The following TMEM178B variants were observed in gnomAD, a reference collection of about 807,000 sequenced individuals.
The protein encoded by TMEM178B is transmembrane protein 178B.
In TMEM178B, 5 loss-of-function variants were observed where a neutral mutation model predicts 31.0. That is an observed-to-expected ratio of 0.16 (90% CI 0.08 to 0.34). TMEM178B has a LOEUF of 0.34. TMEM178B is among the 10% of genes least tolerant of loss of function. The pLI, the probability that TMEM178B is intolerant of heterozygous loss-of-function variation, is 1.00. For missense variants in TMEM178B, 275 were observed against 400.3 expected (o/e 0.69, Z 2.67); for synonymous variants, 164 against 164.0 (o/e 1.00, Z 0.00).
At chr7:141,284,587 C>G (rs1798414611) in intron 2 of TMEM178B, among the ~76,000 whole-genome samples, 1 of 152,154 alleles carries the variant, frequency 6.6e-6, no homozygotes, top group African/African-American at 2.4e-5. Context: ...TTCTCTAGAC[C>G]TTGCTGATTC....
intron 1 of TMEM178B, among the ~76,000 whole-genome samples, chr7:141,168,094 G>A (rs1196202670): frequency 2.6e-5 from 4 of 152,180 alleles, no homozygotes; most frequent in African/African-American, 9.6e-5. Flanking sequence ...ATCCCTGCGA[G>A]ATGGCCAGGG....
At chr7:141,111,070 G>A (rs1795227519) in intron 1 of TMEM178B, among the ~76,000 whole-genome samples, 1 of 152,084 alleles carries the variant, frequency 6.6e-6, no homozygotes, top group South Asian at 2.1e-4. Context: ...TGTATTAGTC[G>A]GTTCTCATGC....
At chr7:141,419,920 A>G (rs2116649943) in intron 2 of TMEM178B, among the ~76,000 whole-genome samples, 1 of 152,326 alleles carries the variant, frequency 6.6e-6, no homozygotes, top group Non-Finnish European at 1.5e-5. Context: ...ACACAGGAGT[A>G]TATAGAACAT....
rs912960032 is a variant in TMEM178B at position 141,239,581 on chromosome 7, G to A, written c.496+26877G>A. 2.0e-5 allele frequency among the ~76,000 whole-genome samples: 3 copies of A among 152,166 alleles called. No homozygotes were observed. The East Asian group carries it at 5.8e-4, about 29-fold the overall frequency. On this transcript the variant is annotated intron_variant, in intron 2 of 3. Coordinates refer to ENST00000565468, the MANE Select transcript of TMEM178B (RefSeq NM_001195278.2). ...AACTCAGCCTCGAGTCTCAGCAGGGGGATGACTAGAAGATCCCATGCCTCC... is the reference window on the plus strand; with the variant it reads ...AACTCAGCCTCGAGTCTCAGCAGGGAGATGACTAGAAGATCCCATGCCTCC...
chr7:141,499,849 A>C, the TMEM178B span, among the ~76,000 whole-genome samples: 1 of 152,232 alleles, frequency 6.6e-6, no homozygotes, highest in Non-Finnish European at 1.5e-5. Context: ...GGAGAAAAGC[A>C]GCTTGGCAGA....
intron 2 of TMEM178B, among the ~76,000 whole-genome samples, chr7:141,297,793 T>C (rs1798660850): frequency 6.6e-6 from 1 of 152,196 alleles, no homozygotes; most frequent in African/African-American, 2.4e-5. Flanking sequence ...TCTTTGCTAT[T>C]GTGAATAGTG....
chr7:141,167,068 A>G (rs1479357291), intron 1 of TMEM178B, among the ~76,000 whole-genome samples: 1 of 152,212 alleles, frequency 6.6e-6, no homozygotes, highest in Non-Finnish European at 1.5e-5. Flanking sequence ...GCCTATAGCT[A>G]GTCATTTAAC....
At chr7:141,080,927 C>T (rs1017826300) in intron 1 of TMEM178B, among the ~76,000 whole-genome samples, 14 of 151,996 alleles carry the variant, frequency 9.2e-5, no homozygotes, top group East Asian at 5.8e-4. Context: ...ACTGCACTGC[C>T]GGCGGTATAG....
chr7:141,333,417 A>C (rs1231709182), intron 2 of TMEM178B, among the ~76,000 whole-genome samples: 1 of 152,202 alleles, frequency 6.6e-6, no homozygotes, highest in Non-Finnish European at 1.5e-5. Flanking sequence ...CCACACAATC[A>C]TTAGCAAGTG....
At chr7:141,138,565 C>T (rs772336373) in intron 1 of TMEM178B, among the ~76,000 whole-genome samples, 5 of 151,552 alleles carry the variant, frequency 3.3e-5, no homozygotes, top group Non-Finnish European at 5.9e-5. Flanking sequence ...TTAATCATCT[C>T]ATGTTTTGGG....
chr7:141,126,124 G>A (rs547520387), intron 1 of TMEM178B, among the ~76,000 whole-genome samples: 11 of 152,158 alleles, frequency 7.2e-5, no homozygotes, highest in East Asian at 1.9e-4. Flanking sequence ...GTAGGAGTTC[G>A]GAGAAAGGAG....
intron 1 of TMEM178B, among the ~76,000 whole-genome samples, chr7:141,176,697 G>C (rs942320827): frequency 1.3e-5 from 2 of 152,180 alleles, no homozygotes; most frequent in African/African-American, 4.8e-5. Flanking sequence ...GAGGCTGTAT[G>C]TGTCCAGGAA....
At chr7:141,142,372 A>T (rs1467800077) in intron 1 of TMEM178B, among the ~76,000 whole-genome samples, 1 of 151,000 alleles carries the variant, frequency 6.6e-6, no homozygotes, top group Non-Finnish European at 1.5e-5. Context: ...GTACATGTGT[A>T]TTTTGGTAGA....
chr7:141,361,078 G>T (rs143576745), intron 2 of TMEM178B, among the ~76,000 whole-genome samples: 1 of 152,162 alleles, frequency 6.6e-6, no homozygotes, highest in African/African-American at 2.4e-5. Flanking sequence ...GGAAAGGTAG[G>T]GGCATCTCAT....
chr7:141,250,664 C>T (rs1312638713), intron 2 of TMEM178B, among the ~76,000 whole-genome samples: 3 of 152,160 alleles, frequency 2.0e-5, no homozygotes, highest in South Asian at 4.2e-4. Flanking sequence ...TCACAATCAG[C>T]CTCTCCATAG....
At chr7:141,188,432 A>G (rs954195922) in intron 1 of TMEM178B, among the ~76,000 whole-genome samples, 1 of 152,256 alleles carries the variant, frequency 6.6e-6, no homozygotes, top group African/African-American at 2.4e-5. Flanking sequence ...TCCAAAATCC[A>G]AAACACTTCC....
At chr7:141,261,907 T>C (rs1470147447) in intron 2 of TMEM178B, among the ~76,000 whole-genome samples, 1 of 152,160 alleles carries the variant, frequency 6.6e-6, no homozygotes, top group East Asian at 1.9e-4. Flanking sequence ...GAAGGAACCT[T>C]GCTAGGCTCC....
At chr7:141,298,342 G>A (rs575581989) in intron 2 of TMEM178B, among the ~76,000 whole-genome samples, 1 of 152,282 alleles carries the variant, frequency 6.6e-6, no homozygotes, top group Admixed American at 6.5e-5. Context: ...CTTTTGCTGT[G>A]CAGAAGCTCT....
At chr7:141,486,327 C>G in the TMEM178B span, among the ~76,000 whole-genome samples, 2 of 152,042 alleles carry the variant, frequency 1.3e-5, no homozygotes, top group Admixed American at 6.6e-5. Context: ...TGATGGATAC[C>G]CTTAAAGCCC....
Sources: allele counts gnomAD v4.1 joint callset (sites outside exome capture counted in the v4.1 genomes callset), GRCh38; gene constraint gnomAD v4.1.1; transcripts MANE v1.5; gene names NCBI Gene and HGNC (gene_info 2026-07-23, HGNC 2026-07-21).